NR3C1: variants seen among roughly 807,000 people sequenced by gnomAD.
NR3C1 encodes the protein nuclear receptor subfamily 3 group C member 1.
In NR3C1, 14 loss-of-function variants were observed where a neutral mutation model predicts 74.0. The observed-to-expected ratio is 0.19, with a 90% CI of 0.12 to 0.30. The LOEUF is 0.30. Ranked by LOEUF, NR3C1 falls within the 10% of genes least tolerant of loss-of-function variation. NR3C1 has a pLI of 1.00. For synonymous variants in NR3C1, 308 were observed against 332.5 expected (o/e 0.93, Z 0.80); for missense variants, 695 against 909.8 (o/e 0.76, Z 3.04).
intron 2 of NR3C1, among the ~76,000 whole-genome samples, chr5:143,388,179 C>A (rs1403581869): frequency 6.6e-6 from 1 of 152,128 alleles, no homozygotes; most frequent in African/African-American, 2.4e-5. Context: ...GAAAAGCAAT[C>A]CATTTCGAAG....
chr5:143,401,883 C>G (rs893611030), intron 1 of NR3C1, among the ~76,000 whole-genome samples: 1 of 152,350 alleles, frequency 6.6e-6, no homozygotes, highest in African/African-American at 2.4e-5. Flanking sequence ...CAAACCTTCA[C>G]CTATCCCAAT....
chr5:143,403,305 G>A lies in NR3C1; in HGVS notation c.-108C>T, dbSNP rs939620266. ...TTGTGAACGCAGAAGGAGCAGGAGGGAAATATATTTTTTTTTTCTAAAAAA... is the reference window on the plus strand; with the variant it reads ...TTGTGAACGCAGAAGGAGCAGGAGGAAAATATATTTTTTTTTTCTAAAAAA... On this transcript the variant is annotated 5_prime_UTR_variant, in exon 1 of 9. Transcript: ENST00000394464. The A allele has an allele frequency of 4.1e-5, 40 of 984,206 alleles. No homozygotes were observed. The highest frequency in any genetic ancestry group is 6.1e-5 in the Admixed American group (1 of 16,268). 61.0% of individuals were successfully genotyped at this position (984,206 alleles called of 1,614,324 possible).
chr5:143,425,236 A>C (rs1368032548), intron 1 of NR3C1, among the ~76,000 whole-genome samples: 1 of 152,210 alleles, frequency 6.6e-6, no homozygotes, highest in East Asian at 1.9e-4. Context: ...TTAAAAACTT[A>C]AATGTAAAAG....
intron 2 of NR3C1, among the ~76,000 whole-genome samples, chr5:143,339,744 G>A (rs1262467610): frequency 6.6e-6 from 1 of 152,098 alleles, no homozygotes; most frequent in Non-Finnish European, 1.5e-5. Flanking sequence ...CCGGACTAAA[G>A]GATTCCAGAC....
chr5:143,295,683 C>T, intron 6 of NR3C1, 93 bp from the exon 7 acceptor site: 3 of 1,008,316 alleles, frequency 3.0e-6, no homozygotes, highest in Non-Finnish European at 4.7e-6. Flanking sequence ...ACTATGAACT[C>T]ATAAAGAAAA....
intron 2 of NR3C1, among the ~76,000 whole-genome samples, chr5:143,395,541 T>C (rs767155975): frequency 5.3e-5 from 8 of 151,814 alleles, no homozygotes; most frequent in Non-Finnish European, 1.0e-4. Context: ...TTGATGAAAA[T>C]ATTACCAGGA....
intron 7 of NR3C1, among the ~76,000 whole-genome samples, chr5:143,291,169 G>A (rs1033514025): frequency 6.6e-6 from 1 of 152,022 alleles, no homozygotes; most frequent in African/African-American, 2.4e-5. Context: ...CAGTTTAAAT[G>A]TATCTATATT....
At chr5:143,287,302 T>TG (rs1408281984) in intron 7 of NR3C1, among the ~76,000 whole-genome samples, 21 of 151,820 alleles carry the variant, frequency 1.4e-4, no homozygotes, top group African/African-American at 5.1e-4. Context: ...AGACTGACCA[T>TG]GAAAAAAAGA....
intron 1 of NR3C1, chr5:143,402,532 A>T (rs1840487259): frequency 1.1e-6 from 1 of 937,266 alleles, no homozygotes; most frequent in South Asian, 4.9e-5. Flanking sequence ...AACGCTAAAG[A>T]GCAAGCCCTT....
intron 2 of NR3C1, among the ~76,000 whole-genome samples, chr5:143,369,517 T>C (rs1399285076): frequency 6.6e-6 from 1 of 152,070 alleles, no homozygotes; most frequent in African/African-American, 2.4e-5. Flanking sequence ...TACTCAGCCA[T>C]AAAAAGAAAA....
intron 1 of NR3C1, among the ~76,000 whole-genome samples, chr5:143,411,232 A>G (rs1841281708): frequency 6.6e-6 from 1 of 152,188 alleles, no homozygotes; most frequent in Non-Finnish European, 1.5e-5. Context: ...AAACATGACA[A>G]ACCAGAGCTT....
At chr5:143,419,157 T>C (rs545715986) in intron 1 of NR3C1, among the ~76,000 whole-genome samples, 3 of 152,302 alleles carry the variant, frequency 2.0e-5, no homozygotes, top group African/African-American at 7.2e-5. Context: ...TATTTCAAAA[T>C]CTGAAAATAT....
intron 2 of NR3C1, among the ~76,000 whole-genome samples, chr5:143,370,799 T>C (rs1834103243): frequency 6.6e-6 from 1 of 152,124 alleles, no homozygotes; most frequent in Admixed American, 6.5e-5. Flanking sequence ...AAATAGCAAC[T>C]GAGGAAAAGA....
At chr5:143,418,420 T>C (rs13186836) in intron 1 of NR3C1, among the ~76,000 whole-genome samples, 27,660 of 152,196 alleles carry the variant, frequency 0.18, 2,725 homozygotes, top group Middle Eastern at 0.35. Flanking sequence ...GTTTGCCTTT[T>C]TCTGCTTAAG....
intron 2 of NR3C1, among the ~76,000 whole-genome samples, chr5:143,374,236 T>C (rs1834741648): frequency 6.6e-6 from 1 of 152,148 alleles, no homozygotes; most frequent in African/African-American, 2.4e-5. Context: ...CTCACGCCTG[T>C]AATCCCAGCA....
At chr5:143,359,619 T>TA (rs1369384555) in intron 2 of NR3C1, among the ~76,000 whole-genome samples, 1 of 152,202 alleles carries the variant, frequency 6.6e-6, no homozygotes, top group Non-Finnish European at 1.5e-5. Flanking sequence ...TTTGGATTTT[T>TA]AAAAATCAAG....
At chr5:143,310,021 G>C in intron 4 of NR3C1, 76 bp downstream of exon 4, 1 of 1,045,278 alleles carries the variant, frequency 9.6e-7, no homozygotes, top group East Asian at 2.4e-5. Context: ...ATCTGCTTAC[G>C]TGTATCTTCA....
intron 1 of NR3C1, among the ~76,000 whole-genome samples, chr5:143,427,758 C>T (rs949828886): frequency 1.3e-5 from 2 of 152,188 alleles, no homozygotes; most frequent in Non-Finnish European, 1.5e-5. Context: ...GGCTAGGTAT[C>T]CACACTCTGG....
chr5:143,397,342 T>A (rs1231904658), intron 2 of NR3C1, among the ~76,000 whole-genome samples: 2 of 151,898 alleles, frequency 1.3e-5, no homozygotes, highest in African/African-American at 4.8e-5. Context: ...AATGTGTTGA[T>A]TATTTGCTGA....
Sources: allele counts gnomAD v4.1 joint callset (sites outside exome capture counted in the v4.1 genomes callset), GRCh38; gene constraint gnomAD v4.1.1; transcripts MANE v1.5; gene names NCBI Gene and HGNC (gene_info 2026-07-23, HGNC 2026-07-21).